Variants in PCTP observed in about 807,000 individuals in gnomAD.
PCTP encodes the protein phosphatidylcholine transfer protein.
PCTP carries 27 observed loss-of-function variants against 31.0 expected under a neutral mutation model. That is an observed-to-expected ratio of 0.87 (90% CI 0.64 to 1.20). The LOEUF is 1.20. Ranked by LOEUF, PCTP falls within the 50% of genes most tolerant of loss-of-function variation. PCTP has a pLI of 0.00. For synonymous variants in PCTP, 108 were observed against 101.2 expected, an observed-to-expected ratio of 1.07 and a Z score of -0.40; for missense variants, 287 against 268.2, an observed-to-expected ratio of 1.07 and a Z score of -0.49.
intron 5 of PCTP, among the ~76,000 whole-genome samples, chr17:55,835,457 C>T (rs1905747659): frequency 6.6e-6 from 1 of 152,186 alleles, no homozygotes; most frequent in Non-Finnish European, 1.5e-5. Flanking sequence ...TACTTTGCTT[C>T]TGGCTTATTG....
intron 5 of PCTP, among the ~76,000 whole-genome samples, chr17:55,831,566 G>A (rs1328177893): frequency 6.6e-6 from 1 of 152,162 alleles, no homozygotes; most frequent in Non-Finnish European, 1.5e-5. Context: ...TTTTCAAGAG[G>A]CTTCTTTAAA....
rs2912558 is a variant in PCTP, at chr17:55,773,717, T to C, written c.340-7T>C. ...GCGTTGGTGTCTTGCCTTAACTGGCTATGCAGTATGTCTACCTTCGGCAGC... is the reference window on the plus strand; with the variant it reads ...GCGTTGGTGTCTTGCCTTAACTGGCCATGCAGTATGTCTACCTTCGGCAGC... On this transcript the variant is annotated splice_polypyrimidine_tract_variant and splice_region_variant and intron_variant, in intron 3 of 5. Coordinates refer to ENST00000268896, the MANE Select transcript of PCTP (RefSeq NM_021213.4). 1,504,016 of 1,603,174 alleles carry C rather than the reference T, an allele frequency of 0.94. 715,834 individuals carry two copies. Among genetic ancestry groups the C allele is most frequent in the Non-Finnish European group, 0.97 (1,141,652 of 1,171,912 alleles).
At chr17:55,759,398 A>G (rs944725939) in intron 1 of PCTP, among the ~76,000 whole-genome samples, 1 of 152,224 alleles carries the variant, frequency 6.6e-6, no homozygotes, top group Admixed American at 6.5e-5. Context: ...GGTCTTAAAT[A>G]TTAAATCAGA....
chr17:55,805,753 C>G (rs1912556557), intron 3 of PCTP, among the ~76,000 whole-genome samples: 1 of 152,154 alleles, frequency 6.6e-6, no homozygotes, highest in Non-Finnish European at 1.5e-5. Context: ...AGATTTGACT[C>G]TCTTCCCATT....
intron 1 of PCTP, among the ~76,000 whole-genome samples, chr17:55,766,595 C>T (rs984925810): frequency 2.6e-5 from 4 of 152,050 alleles, no homozygotes; most frequent in African/African-American, 9.7e-5. Flanking sequence ...ATGAACTCGT[C>T]ATTTTTTATG....
intron 3 of PCTP, among the ~76,000 whole-genome samples, chr17:55,800,631 G>A (rs958673384): frequency 2.0e-5 from 3 of 152,044 alleles, no homozygotes; most frequent in African/African-American, 7.2e-5. Flanking sequence ...GTGAGGAGTT[G>A]TGATCCTTTG....
intron 5 of PCTP, among the ~76,000 whole-genome samples, chr17:55,828,172 G>A (rs1009598500): frequency 6.6e-6 from 1 of 152,204 alleles, no homozygotes; most frequent in African/African-American, 2.4e-5. Flanking sequence ...GAAAGGAATA[G>A]GTAATTGGAT....
At chr17:55,798,613 C>T (rs1037915119) in intron 3 of PCTP, among the ~76,000 whole-genome samples, 1 of 151,880 alleles carries the variant, frequency 6.6e-6, no homozygotes, top group Non-Finnish European at 1.5e-5. Context: ...AACTACCAGC[C>T]TAGACTTCTA....
downstream of PCTP, among the ~76,000 whole-genome samples, chr17:55,781,441 G>A (rs1911561914): frequency 1.3e-5 from 2 of 152,178 alleles, no homozygotes; most frequent in African/African-American, 4.8e-5. Flanking sequence ...ATGAAATCCA[G>A]CACCTTCAGA....
At chr17:55,828,298 T>C (rs1398632629) in intron 5 of PCTP, among the ~76,000 whole-genome samples, 1 of 152,204 alleles carries the variant, frequency 6.6e-6, no homozygotes, top group East Asian at 1.9e-4. Flanking sequence ...TTTTGGGGGC[T>C]GGGCATCTGA....
intron 3 of PCTP, among the ~76,000 whole-genome samples, chr17:55,788,470 T>C (rs1187984543): frequency 1.3e-5 from 2 of 152,300 alleles, no homozygotes; most frequent in East Asian, 3.9e-4. Context: ...CAAAGATTTA[T>C]CAAGGGCTAA....
At chr17:55,850,548 T>C in the PCTP span, among the ~76,000 whole-genome samples, 1 of 152,208 alleles carries the variant, frequency 6.6e-6, no homozygotes, top group Non-Finnish European at 1.5e-5. Flanking sequence ...GCATAAGGCT[T>C]AAAAACTGCA....
intron 3 of PCTP, among the ~76,000 whole-genome samples, chr17:55,815,452 A>G (rs1598013844): frequency 6.6e-6 from 1 of 152,234 alleles, no homozygotes; most frequent in East Asian, 1.9e-4. Flanking sequence ...ACAACAGTGC[A>G]CACCTGAGCT....
At chr17:55,758,806 G>C (rs1910185827) in intron 1 of PCTP, among the ~76,000 whole-genome samples, 1 of 152,144 alleles carries the variant, frequency 6.6e-6, no homozygotes, top group Non-Finnish European at 1.5e-5. Flanking sequence ...AAGCCTGTGG[G>C]TATGAGGCCA....
intron 3 of PCTP, among the ~76,000 whole-genome samples, chr17:55,802,498 A>G (rs1348531735): frequency 1.3e-5 from 2 of 152,236 alleles, no homozygotes; most frequent in African/African-American, 4.8e-5. Context: ...CAAATCCAGC[A>G]GCACATCAAA....
chr17:55,822,806 A>G, exon 4 of PCTP: 1 of 1,231,466 alleles, frequency 8.1e-7, no homozygotes, highest in Non-Finnish European at 1.0e-6. Context: ...GAGAGACCTC[A>G]TCAAGTTTTT....
At chr17:55,798,387 C>G (rs1228846699) in intron 3 of PCTP, among the ~76,000 whole-genome samples, 1 of 151,726 alleles carries the variant, frequency 6.6e-6, no homozygotes, top group African/African-American at 2.4e-5. Context: ...GCAAAACAAA[C>G]AAACAAAAAT....
chr17:55,810,693 G>C (rs1912723070), intron 3 of PCTP, among the ~76,000 whole-genome samples: 1 of 152,166 alleles, frequency 6.6e-6, no homozygotes, highest in South Asian at 2.1e-4. Flanking sequence ...AAAAGATTTT[G>C]GATAACTGTG....
At chr17:55,814,753 G>A (rs1912864106) in intron 3 of PCTP, among the ~76,000 whole-genome samples, 1 of 152,174 alleles carries the variant, frequency 6.6e-6, no homozygotes, top group Non-Finnish European at 1.5e-5. Context: ...GGGGCTCACA[G>A]GGGCAAGACA....
Sources: gnomAD v4.1 joint callset for allele counts (sites outside exome capture counted in the v4.1 genomes callset) on GRCh38, gnomAD v4.1.1 for gene constraint, MANE v1.5 for transcripts, NCBI Gene and HGNC (gene_info 2026-07-23, HGNC 2026-07-21) for gene names.